The following ADGRB3 variants were observed in gnomAD, a reference collection of about 807,000 sequenced individuals.
ADGRB3 encodes brain-specific angiogenesis inhibitor 3.
ADGRB3 carries 37 observed loss-of-function variants against 193.4 expected under a neutral mutation model. The observed-to-expected ratio is 0.19, with a 90% CI of 0.15 to 0.25. The LOEUF (loss-of-function observed/expected upper bound fraction) is 0.25. Among genes scored for constraint, ADGRB3 ranks in the 10% least tolerant of loss-of-function variants. The pLI is 1.00. For missense variants in ADGRB3, 1,637 were observed against 1,852.9 expected (o/e 0.88, Z 2.14); for synonymous variants, 690 against 644.2 (o/e 1.07, Z -1.08).
chr6:68,932,952 T>C (rs1767382186), intron 4 of ADGRB3, among the ~76,000 whole-genome samples: 1 of 138,708 alleles, frequency 7.2e-6, no homozygotes, highest in Admixed American at 7.3e-5. Flanking sequence ...TTAAAAGCAA[T>C]CTTTCTACAG....
At chr6:68,923,900 C>T (rs1767112040) in intron 3 of ADGRB3, among the ~76,000 whole-genome samples, 1 of 152,042 alleles carries the variant, frequency 6.6e-6, no homozygotes, top group South Asian at 2.1e-4. Context: ...TGTCAAGAAA[C>T]ACATTAGCAA....
At chr6:68,849,747 CTTCTTAGATAGA>C (rs1359429653) in intron 3 of ADGRB3, among the ~76,000 whole-genome samples, 1 of 151,824 alleles carries the variant, frequency 6.6e-6, no homozygotes, top group Non-Finnish European at 1.5e-5. Context: ...TATCTTCTAA[CTTCTTAGATAGA>C]TGTTTGGATG....
At position 68,972,011 on chromosome 6, in the gene ADGRB3, G is replaced by A. The variant is rs183638548; in HGVS notation, c.1526-2752G>A. On this transcript the variant is annotated intron_variant, in intron 8 of 31. Coordinates refer to ENST00000370598, the MANE Select transcript of ADGRB3 (RefSeq NM_001704.3). ...CAGGAGCATGTGCTCTCCAAAGGGT[G>A]GGGCACAGATGCAACAGGCAGTGAA... Among the ~76,000 whole-genome samples, 22 of 152,310 alleles carry A rather than the reference G, an allele frequency of 1.4e-4. No homozygotes were observed. The East Asian group carries it at 3.9e-3, about 27-fold the overall frequency.
intron 3 of ADGRB3, among the ~76,000 whole-genome samples, chr6:68,704,540 C>A (rs957534918): frequency 6.6e-6 from 1 of 152,098 alleles, no homozygotes; most frequent in African/African-American, 2.4e-5. Flanking sequence ...GATATTTTCC[C>A]CTTCTGACTG....
At chr6:68,924,939 CATT>C (rs34861619) in intron 3 of ADGRB3, among the ~76,000 whole-genome samples, 2,568 of 151,618 alleles carry the variant, frequency 0.017, 76 homozygotes, top group African/African-American at 0.056. Flanking sequence ...ATATAACTGT[CATT>C]ATTGAATTTT....
At chr6:68,875,113 CCTTT>C (rs1305558117) in intron 3 of ADGRB3, among the ~76,000 whole-genome samples, 10 of 114,614 alleles carry the variant, frequency 8.7e-5, no homozygotes, top group African/African-American at 2.4e-4. Context: ...TTCCTTCCTT[CCTTT>C]CTTTCCTTCT....
intron 20 of ADGRB3, among the ~76,000 whole-genome samples, chr6:69,285,311 G>A (rs2127288891): frequency 6.6e-6 from 1 of 152,260 alleles, no homozygotes; most frequent in East Asian, 1.9e-4. Context: ...CCACAAACCT[G>A]GCTCACTGCA....
Position 69,024,826 on chromosome 6 carries a change from C to A in ADGRB3, c.2107+6327C>A, listed in dbSNP as rs62416761. ...ATATTAAGGCGACCGGGCACGGTGG[C>A]TCACGCCTGTAATCCCAGCACTTTG... On this transcript the variant is annotated intron_variant, in intron 13 of 31. Transcript: ENST00000370598. 2.0e-5 allele frequency among the ~76,000 whole-genome samples: 3 copies of A among 152,210 alleles called. 1 individual carries two copies. Among genetic ancestry groups the A allele is most frequent in the South Asian group, 4.1e-4 (2 of 4,826 alleles).
At chr6:69,363,114 A>G (rs1408476282) in intron 29 of ADGRB3, among the ~76,000 whole-genome samples, 2 of 151,984 alleles carry the variant, frequency 1.3e-5, no homozygotes, top group Admixed American at 6.6e-5. Context: ...TGCTTGAACA[A>G]TAGACTGTAT....
chr6:69,140,382 C>T (rs1358076277), intron 17 of ADGRB3, among the ~76,000 whole-genome samples: 1 of 152,048 alleles, frequency 6.6e-6, no homozygotes, highest in African/African-American at 2.4e-5. Context: ...ATAAGCCAGG[C>T]ACAGAAAGAC....
intron 20 of ADGRB3, among the ~76,000 whole-genome samples, chr6:69,296,643 C>T (rs751509324): frequency 6.6e-6 from 1 of 152,084 alleles, no homozygotes; most frequent in Non-Finnish European, 1.5e-5. Context: ...AAACAGATGG[C>T]CATTCTCTTA....
chr6:69,265,237 A>G (rs1417631897), intron 20 of ADGRB3, among the ~76,000 whole-genome samples: 1 of 151,958 alleles, frequency 6.6e-6, no homozygotes. Flanking sequence ...AATTGTCACA[A>G]GTGATGCTCA....
intron 3 of ADGRB3, among the ~76,000 whole-genome samples, chr6:68,797,370 A>G (rs540610537): frequency 7.9e-5 from 12 of 152,060 alleles, no homozygotes; most frequent in Non-Finnish European, 1.3e-4. Context: ...GAGTCTCAGC[A>G]GGTAAAGAAT....
rs188953422 is a variant in ADGRB3, at chr6:68,802,398, G to A, written c.758-128161G>A. 3.0e-3 allele frequency among the ~76,000 whole-genome samples: 461 copies of A among 152,166 alleles called. 6 individuals carry two copies. The highest frequency in any genetic ancestry group is 0.011 in the African/African-American group (450 of 41,518). ...TATAGAAAGAAAAGTACAATACTAG[G>A]CTAATTTATCTTTGTGTTTCCAGTG... On this transcript the variant is annotated intron_variant, in intron 3 of 31. Coordinates refer to ENST00000370598, the MANE Select transcript of ADGRB3 (RefSeq NM_001704.3).
chr6:69,171,458 A>G (rs969939975), intron 17 of ADGRB3, among the ~76,000 whole-genome samples: 10 of 152,198 alleles, frequency 6.6e-5, no homozygotes, highest in Non-Finnish European at 1.2e-4. Flanking sequence ...CCAATCAGGT[A>G]TCCATAGCTC....
chr6:69,014,153 TA>T (rs1279177169), intron 12 of ADGRB3, 47 bp downstream of exon 12: 4 of 1,363,302 alleles, frequency 2.9e-6, no homozygotes, highest in Middle Eastern at 1.8e-4. Context: ...AAACAAAGTG[TA>T]AAAAATATGT....
intron 23 of ADGRB3, 86 bp from the exon 24 acceptor site, chr6:69,332,837 A>G (rs563691760): frequency 4.6e-5 from 72 of 1,554,728 alleles, no homozygotes; most frequent in Non-Finnish European, 5.8e-5. Flanking sequence ...GTGGTTATGA[A>G]TTGATAAAAA....
chr6:69,053,737 G>A (rs915715937), intron 15 of ADGRB3, among the ~76,000 whole-genome samples: 3 of 152,222 alleles, frequency 2.0e-5, no homozygotes, highest in Non-Finnish European at 2.9e-5. Context: ...AAACTGCTCT[G>A]AGAATTTTAA....
chr6:69,338,507 C>G (rs1768900326), intron 24 of ADGRB3, among the ~76,000 whole-genome samples: 1 of 152,148 alleles, frequency 6.6e-6, no homozygotes. Flanking sequence ...AGAAGGTTTT[C>G]ACAGATATAT....
Sources: allele counts gnomAD v4.1 joint callset (sites outside exome capture counted in the v4.1 genomes callset), GRCh38; gene constraint gnomAD v4.1.1; transcripts MANE v1.5; gene names NCBI Gene and HGNC (gene_info 2026-07-23, HGNC 2026-07-21).